BBS9: variants seen among roughly 807,000 people sequenced by gnomAD.
BBS9 encodes the protein protein PTHB1.
Under a neutral mutation model 117.7 loss-of-function variants are expected in BBS9, and 89 were observed. The observed-to-expected ratio is 0.76, with a 90% CI of 0.64 to 0.90. The LOEUF (loss-of-function observed/expected upper bound fraction) is 0.90. BBS9 is among the 40% of genes least tolerant of loss of function. The pLI is 0.00. For synonymous variants in BBS9, 379 were observed against 370.9 expected (o/e 1.02, Z -0.25); for missense variants, 982 against 1,042.2 (o/e 0.94, Z 0.80).
chr7:33,478,813 C>T (rs545859310), intron 19 of BBS9, among the ~76,000 whole-genome samples: 21 of 148,610 alleles, frequency 1.4e-4, no homozygotes, highest in African/African-American at 4.7e-4. Flanking sequence ...GACATGTCTG[C>T]AAAACAGTCA....
At chr7:33,456,846 C>T (rs1331699340) in intron 19 of BBS9, among the ~76,000 whole-genome samples, 1 of 152,158 alleles carries the variant, frequency 6.6e-6, no homozygotes, top group Non-Finnish European at 1.5e-5. Flanking sequence ...ACAAATCAGT[C>T]ATAAATAGAA....
At chr7:33,572,803 T>G (rs1858043689) in intron 21 of BBS9, among the ~76,000 whole-genome samples, 1 of 152,108 alleles carries the variant, frequency 6.6e-6, no homozygotes, top group Non-Finnish European at 1.5e-5. Flanking sequence ...TTCTTTTTTT[T>G]GCTATTGAGC....
In BBS9 at chr7:33,257,421, A is replaced by AACTTACTTC; in HGVS notation, c.617+11_617+12insACTTACTTC. The stretch of plus-strand genomic sequence containing the variant: ...AGTGGAAAGTTATAAGTAAGTTTGG[A>AACTTACTTC]TGTTAAGTCTTCAGAATCATGATTT... On this transcript the variant is annotated intron_variant, in intron 6 of 22. Transcript: ENST00000242067. 1 of 1,613,046 alleles carries AACTTACTTC rather than the reference A, an allele frequency of 6.2e-7. No homozygotes were observed. The highest frequency in any genetic ancestry group is 1.7e-5 in the Admixed American group (1 of 60,010).
chr7:33,398,442 T>C (rs1156878003), intron 19 of BBS9, among the ~76,000 whole-genome samples: 1 of 152,230 alleles, frequency 6.6e-6, no homozygotes, highest in African/African-American at 2.4e-5. Context: ...GGATGTTCTC[T>C]TACTCTGTCT....
At chr7:33,425,913 C>G (rs1411464212) in intron 19 of BBS9, among the ~76,000 whole-genome samples, 1 of 152,138 alleles carries the variant, frequency 6.6e-6, no homozygotes, top group Non-Finnish European at 1.5e-5. Flanking sequence ...TAAGCACAAA[C>G]AGAAACTTAG....
intron 21 of BBS9, among the ~76,000 whole-genome samples, chr7:33,598,730 A>G (rs1208752555): frequency 6.6e-6 from 1 of 152,208 alleles, no homozygotes; most frequent in Admixed American, 6.5e-5. Context: ...TTGGGCAAAA[A>G]CTATGCTTTC....
chr7:33,589,834 C>T (rs1482569000), intron 21 of BBS9, among the ~76,000 whole-genome samples: 1 of 151,980 alleles, frequency 6.6e-6, no homozygotes, highest in African/African-American at 2.4e-5. Context: ...GAGTTGTCAG[C>T]ATGAAAATGT....
intron 20 of BBS9, among the ~76,000 whole-genome samples, chr7:33,519,195 GATT>G (rs1403494806): frequency 1.3e-5 from 2 of 152,116 alleles, no homozygotes; most frequent in African/African-American, 2.4e-5. Context: ...TGTTCTTTGA[GATT>G]ATTAAGGACA....
chr7:33,380,153 C>A, intron 17 of BBS9: 1 of 163,676 alleles, frequency 6.1e-6, no homozygotes, highest in South Asian at 1.8e-4. Context: ...CAGGCAGTGT[C>A]AGAAAAGCAG....
intron 9 of BBS9, among the ~76,000 whole-genome samples, chr7:33,311,797 A>G (rs974784406): frequency 4.0e-5 from 6 of 149,838 alleles, no homozygotes; most frequent in African/African-American, 1.5e-4. Context: ...AGCCTGGGCA[A>G]CAGAGTGAGA....
At chr7:33,537,712 G>A (rs931339742) in intron 21 of BBS9, among the ~76,000 whole-genome samples, 1 of 152,122 alleles carries the variant, frequency 6.6e-6, no homozygotes, top group Non-Finnish European at 1.5e-5. Flanking sequence ...CCCTGCAGCT[G>A]CCTAGGACTA....
intron 4 of BBS9, among the ~76,000 whole-genome samples, chr7:33,175,937 C>T (rs1168489182): frequency 6.6e-6 from 1 of 152,058 alleles, no homozygotes; most frequent in African/African-American, 2.4e-5. Flanking sequence ...GGGTTTTGGG[C>T]TTCTGTACAC....
chr7:33,601,312 T>G (rs1231990720), intron 21 of BBS9, among the ~76,000 whole-genome samples: 3 of 151,974 alleles, frequency 2.0e-5, no homozygotes, highest in Non-Finnish European at 4.4e-5. Flanking sequence ...CACTTGCCAT[T>G]GTGTTTGGAT....
chr7:33,155,651 C>A lies in BBS9; in HGVS notation c.277C>A (p.Leu93Ile). ...VGKFVSGTEM[L>I]HLAVLHSRKL... ...TCTGTTTTTCAGAGGTACCGAAATG[C>A]TACATTTGGCTGTGTTACATTCTAG... is the stretch of plus-strand genomic sequence containing the variant. Residue 93 changes from leucine to isoleucine, a missense_variant, in exon 4 of 23, where the codon CTA (leucine) becomes ATA (isoleucine). Transcript: ENST00000242067. 1 of 1,600,118 alleles carries A rather than the reference C, an allele frequency of 6.2e-7. No individual in the cohort carries two copies. Among genetic ancestry groups the A allele is most frequent in the South Asian group, 1.1e-5 (1 of 90,598 alleles).
rs867302469 is a variant in BBS9 at position 33,414,597 on chromosome 7, T to C, written c.2115+26453T>C. ...ATCCTATTTATTCCTCTTAATTTCA[T>C]CTCAAGATGAGTTTTCATGTCATTA... is the stretch of plus-strand genomic sequence containing the variant. On this transcript the variant is annotated intron_variant, in intron 19 of 22. Transcript: ENST00000242067. Among the ~76,000 whole-genome samples, 4 of 152,306 alleles carry C rather than the reference T, an allele frequency of 2.6e-5. No homozygotes were observed. The South Asian group carries it at 8.3e-4, about 32-fold the overall frequency.
rs879111088 is a variant in BBS9, at chr7:33,129,998, G to T, written c.-55G>T. On this transcript the variant is annotated 5_prime_UTR_variant, in exon 1 of 23. Transcript: ENST00000242067. ...CATAAAGCAAAATTTGCCGAACGAG[G>T]GTTCGCAGAAAGGTGGGGCAGAGCT... 6.6e-6 allele frequency: 1 copy of T among 152,234 alleles called. No homozygotes were observed. The highest frequency in any genetic ancestry group is 6.5e-5 in the Admixed American group (1 of 15,282). The allele number at this position is 152,234 out of a possible 1,614,324, so 9.4% of individuals were successfully genotyped here.
chr7:33,395,297 C>A (rs1827764333), intron 19 of BBS9, among the ~76,000 whole-genome samples: 1 of 152,098 alleles, frequency 6.6e-6, no homozygotes, highest in Non-Finnish European at 1.5e-5. Flanking sequence ...CCTTCAAATG[C>A]TAATGCTGAT....
chr7:33,141,241 G>A (rs1289077515), intron 1 of BBS9, among the ~76,000 whole-genome samples: 7 of 152,066 alleles, frequency 4.6e-5, no homozygotes, highest in Non-Finnish European at 8.8e-5. Flanking sequence ...TGGTCAACAT[G>A]GGGAAACTCC....
chr7:33,522,366 G>C (rs1294996676), intron 20 of BBS9, among the ~76,000 whole-genome samples: 1 of 150,172 alleles, frequency 6.7e-6, no homozygotes, highest in African/African-American at 2.4e-5. Context: ...CCCACCAACA[G>C]TGTAAAAGTG....
Sources: gnomAD v4.1 joint callset for allele counts (sites outside exome capture counted in the v4.1 genomes callset) on GRCh38, gnomAD v4.1.1 for gene constraint, MANE v1.5 for transcripts, NCBI Gene and HGNC (gene_info 2026-07-23, HGNC 2026-07-21) for gene names.